Variants in TANC2 observed in about 807,000 individuals in gnomAD.
The protein encoded by TANC2 is tetratricopeptide repeat, ankyrin repeat and coiled-coil containing 2.
A neutral mutation model predicts 210.5 loss-of-function variants in TANC2; 26 were observed. The ratio of observed to expected loss-of-function variants is 0.12; its 90% CI spans 0.09 to 0.17. The LOEUF (loss-of-function observed/expected upper bound fraction) is 0.17. TANC2 is among the 10% of genes least tolerant of loss of function. TANC2 has a pLI of 1.00. For missense variants in TANC2, 2,129 were observed against 2,608.9 expected (o/e 0.82, Z 4.01); for synonymous variants, 931 against 967.1 (o/e 0.96, Z 0.69).
chr17:63,312,555 T>C (rs985204890), intron 9 of TANC2, among the ~76,000 whole-genome samples: 2 of 152,018 alleles, frequency 1.3e-5, no homozygotes, highest in Non-Finnish European at 2.9e-5. Context: ...ATGGTAACAG[T>C]AGACACTGGG....
intron 8 of TANC2, among the ~76,000 whole-genome samples, chr17:63,254,240 A>G (rs1228661842): frequency 2.6e-5 from 4 of 151,904 alleles, no homozygotes; most frequent in Non-Finnish European, 5.9e-5. Flanking sequence ...ATTTGTGGCT[A>G]TCATAAATGA....
At chr17:63,154,015 A>G (rs1179842299) in intron 5 of TANC2, 1 of 152,180 alleles carries the variant, frequency 6.6e-6, no homozygotes, top group East Asian at 1.9e-4. Flanking sequence ...GATTCATTAT[A>G]TAGCATTATC....
At chr17:62,978,238 G>C (rs931408530) in intron 1 of TANC2, among the ~76,000 whole-genome samples, 1 of 152,176 alleles carries the variant, frequency 6.6e-6, no homozygotes, top group Non-Finnish European at 1.5e-5. Context: ...TGATCAAGTA[G>C]AGTTTATTGC....
In TANC2 at chr17:63,184,082, G is replaced by A. The variant is rs372015159; in HGVS notation, c.434-9909G>A. Among the ~76,000 whole-genome samples the A allele has an allele frequency of 1.1e-4, 16 of 151,180 alleles. No individual in the cohort carries two copies. The South Asian group carries it at 3.3e-3, about 32-fold the overall frequency. ...CCTGAGTGGGAAAAAATAGATAAAA[G>A]TTTTCATTAGTTGAAGATCTATTTA... On this transcript the variant is annotated intron_variant, in intron 5 of 27. Transcript: ENST00000689528.
At chr17:63,411,131 G>A (rs2048689873) in intron 21 of TANC2, among the ~76,000 whole-genome samples, 1 of 152,004 alleles carries the variant, frequency 6.6e-6, no homozygotes, top group Admixed American at 6.6e-5. Context: ...GGATGCAGGA[G>A]GATTTACGGG....
At chr17:63,178,194 G>A (rs548089605) in intron 5 of TANC2, among the ~76,000 whole-genome samples, 7 of 152,278 alleles carry the variant, frequency 4.6e-5, no homozygotes, top group East Asian at 3.9e-4. Flanking sequence ...TTAGCCGGGC[G>A]TGGTGGAGGG....
chr17:63,167,245 T>C (rs962723355), intron 5 of TANC2, among the ~76,000 whole-genome samples: 6 of 152,310 alleles, frequency 3.9e-5, no homozygotes, highest in African/African-American at 1.4e-4. Context: ...ACCTACCTCA[T>C]AGCATTGTCA....
At chr17:63,344,808 G>T (rs2046347733) in intron 12 of TANC2, among the ~76,000 whole-genome samples, 1 of 152,150 alleles carries the variant, frequency 6.6e-6, no homozygotes, top group Admixed American at 6.5e-5. Context: ...CTTCATAACT[G>T]GGCAGGCTTG....
chr17:63,016,995 G>A (rs1003141750), intron 2 of TANC2, among the ~76,000 whole-genome samples: 4 of 152,072 alleles, frequency 2.6e-5, no homozygotes, highest in African/African-American at 9.7e-5. Flanking sequence ...CATAATAGGG[G>A]TTGTCTTTTC....
At chr17:63,042,460 A>G (rs1208305455) in intron 2 of TANC2, among the ~76,000 whole-genome samples, 1 of 152,154 alleles carries the variant, frequency 6.6e-6, no homozygotes, top group Non-Finnish European at 1.5e-5. Flanking sequence ...GCTGAAAACA[A>G]AATGGCTGGC....
rs998026590 is a variant in TANC2 at position 63,356,641 on chromosome 17, G to A, written c.2582+1251G>A. 4.6e-5 allele frequency among the ~76,000 whole-genome samples: 7 copies of A among 152,282 alleles called. No individual in the cohort carries two copies. In the South Asian group the frequency reaches 1.2e-3, roughly 27 times the overall value. The stretch of plus-strand genomic sequence containing the variant: ...TTGTAGCATTTTCTCTGAGAGGGAA[G>A]CTTTTTTAAAGAAACATGCTGTAGT... On this transcript the variant is annotated intron_variant, in intron 14 of 27. Coordinates refer to ENST00000689528, the Ensembl canonical transcript of TANC2.
chr17:63,119,804 C>G (rs1209198391), intron 4 of TANC2, among the ~76,000 whole-genome samples: 1 of 152,082 alleles, frequency 6.6e-6, no homozygotes, highest in Non-Finnish European at 1.5e-5. Context: ...CCCTTGAGGC[C>G]AGGAGTTCAA....
At chr17:63,238,972 G>A (rs1287708205) in intron 8 of TANC2, among the ~76,000 whole-genome samples, 1 of 152,014 alleles carries the variant, frequency 6.6e-6, no homozygotes, top group African/African-American at 2.4e-5. Flanking sequence ...CCTGACACTT[G>A]GGGATTACAA....
chr17:63,024,357 A>T (rs1166247353), intron 2 of TANC2, among the ~76,000 whole-genome samples: 1 of 152,164 alleles, frequency 6.6e-6, no homozygotes, highest in African/African-American at 2.4e-5. Context: ...TTTTTAGACC[A>T]TATAGGGTAA....
intron 7 of TANC2, among the ~76,000 whole-genome samples, chr17:63,235,912 TGTATAA>T (rs2042608282): frequency 6.6e-6 from 1 of 152,080 alleles, no homozygotes; most frequent in African/African-American, 2.4e-5. Context: ...TTTCTATTTG[TGTATAA>T]TTAGTAGTAA....
At chr17:63,381,523 T>TA (rs553092370) in intron 15 of TANC2, 66 of 152,300 alleles carry the variant, frequency 4.3e-4, no homozygotes, top group African/African-American at 1.5e-3. Flanking sequence ...ATATAGACTT[T>TA]ATGGTTAGAA....
intron 9 of TANC2, among the ~76,000 whole-genome samples, chr17:63,286,859 C>T (rs530394885): frequency 1.3e-5 from 2 of 152,154 alleles, no homozygotes; most frequent in Admixed American, 6.5e-5. Context: ...TCCTCTGTAA[C>T]GTCAAATGTG....
At chr17:63,322,529 G>A (rs1468201215) in intron 11 of TANC2, among the ~76,000 whole-genome samples, 3 of 152,136 alleles carry the variant, frequency 2.0e-5, no homozygotes, top group Admixed American at 6.5e-5. Context: ...ATCTATCTTA[G>A]AAATACACAG....
intron 4 of TANC2, among the ~76,000 whole-genome samples, chr17:63,132,621 A>G (rs1039075423): frequency 6.6e-6 from 1 of 152,184 alleles, no homozygotes; most frequent in Non-Finnish European, 1.5e-5. Context: ...TCATCTTCTT[A>G]TCTTCCCTCT....
Sources: gnomAD v4.1 joint callset for allele counts (sites outside exome capture counted in the v4.1 genomes callset) on GRCh38, gnomAD v4.1.1 for gene constraint, MANE v1.5 for transcripts, NCBI Gene and HGNC (gene_info 2026-07-23, HGNC 2026-07-21) for gene names.